Variants in B3GALT1 observed in about 807,000 individuals in gnomAD.
B3GALT1 encodes beta-1,3-galactosyltransferase 1.
A neutral mutation model predicts 23.2 loss-of-function variants in B3GALT1; 10 were observed. That is an observed-to-expected ratio of 0.43 (90% CI 0.27 to 0.73). B3GALT1 has a LOEUF of 0.73. Among genes scored for constraint, B3GALT1 ranks in the 30% least tolerant of loss-of-function variants. The pLI, the probability that B3GALT1 is intolerant of heterozygous loss-of-function variation, is 0.21. For missense variants in B3GALT1, 299 were observed against 405.4 expected, an observed-to-expected ratio of 0.74 and a Z score of 2.25; for synonymous variants, 156 against 141.5, an observed-to-expected ratio of 1.10 and a Z score of -0.73.
intron 4 of B3GALT1, among the ~76,000 whole-genome samples, chr2:167,834,073 A>AAAAT (rs1400922877): frequency 6.6e-6 from 1 of 152,200 alleles, no homozygotes; most frequent in African/African-American, 2.4e-5. Flanking sequence ...TTTGCTGCAC[A>AAAAT]AAATAGGGTA....
chr2:167,594,069 G>A (rs1156776833), intron 2 of B3GALT1, among the ~76,000 whole-genome samples: 1 of 152,118 alleles, frequency 6.6e-6, no homozygotes, highest in Non-Finnish European at 1.5e-5. Context: ...TTATGTACCT[G>A]GCTTACAAAA....
At chr2:167,365,138 G>A (rs188868874) in intron 1 of B3GALT1, among the ~76,000 whole-genome samples, 2 of 152,138 alleles carry the variant, frequency 1.3e-5, no homozygotes, top group African/African-American at 4.8e-5. Flanking sequence ...TTGACTACAC[G>A]TAGTTTCCTG....
At chr2:167,853,866 A>G (rs1247076174) in intron 4 of B3GALT1, among the ~76,000 whole-genome samples, 1 of 152,148 alleles carries the variant, frequency 6.6e-6, no homozygotes, top group East Asian at 1.9e-4. Flanking sequence ...AGGGCGTGCA[A>G]GTGTTCCCTG....
At position 167,385,324 on chromosome 2, in the gene B3GALT1, GAC is replaced by G. The variant is rs796498761; in HGVS notation, c.-511+91994_-511+91995del. Among the ~76,000 whole-genome samples, 16 of 152,190 alleles carry G rather than the reference GAC, an allele frequency of 1.1e-4. 1 individual carries two copies. The highest frequency in any genetic ancestry group is 3.9e-4 in the African/African-American group (16 of 41,538). ...ATTCTTCCTGAACCAGCTCTTCCCT[GAC>G]ACAGAATTAATCACTCCCTAATAGC... On this transcript the variant is annotated intron_variant, in intron 1 of 4. Transcript: ENST00000392690.
chr2:167,804,407 A>G (rs1157568136), intron 3 of B3GALT1, among the ~76,000 whole-genome samples: 14 of 151,624 alleles, frequency 9.2e-5, no homozygotes, highest in Non-Finnish European at 1.5e-5. Context: ...TACATGTGCC[A>G]TGTTGGTGTG....
At chr2:167,649,620 T>C (rs925300690) in intron 3 of B3GALT1, among the ~76,000 whole-genome samples, 1 of 152,114 alleles carries the variant, frequency 6.6e-6, no homozygotes, top group African/African-American at 2.4e-5. Flanking sequence ...CCAGTGGAGA[T>C]GTATCAGTAA....
intron 4 of B3GALT1, among the ~76,000 whole-genome samples, chr2:167,860,000 T>C (rs1690068272): frequency 6.6e-6 from 1 of 152,190 alleles, no homozygotes; most frequent in Admixed American, 6.5e-5. Flanking sequence ...GACCATTATC[T>C]AGTGCTAATA....
At chr2:167,393,933 A>G (rs140542177) in intron 1 of B3GALT1, among the ~76,000 whole-genome samples, 448 of 152,288 alleles carry the variant, frequency 2.9e-3, no homozygotes, top group African/African-American at 9.8e-3. Context: ...AATTTTTACA[A>G]TGTATTACTC....
intron 1 of B3GALT1, among the ~76,000 whole-genome samples, chr2:167,300,166 A>G (rs1228991077): frequency 2.0e-5 from 3 of 152,170 alleles, no homozygotes; most frequent in African/African-American, 7.2e-5. Context: ...TGGCCTCCCA[A>G]AGTGCTGGGA....
At chr2:167,720,289 A>G (rs1391140786) in intron 3 of B3GALT1, among the ~76,000 whole-genome samples, 2 of 152,008 alleles carry the variant, frequency 1.3e-5, no homozygotes, top group South Asian at 2.1e-4. Flanking sequence ...TTAATCACTT[A>G]TTTGGTCTTT....
chr2:167,464,079 A>G (rs960208450), intron 1 of B3GALT1, among the ~76,000 whole-genome samples: 12 of 152,154 alleles, frequency 7.9e-5, no homozygotes, highest in African/African-American at 2.9e-4. Context: ...CAAAAATCCA[A>G]CTGAAAAGGA....
chr2:167,612,132 AG>A (rs1685077803), intron 2 of B3GALT1, among the ~76,000 whole-genome samples: 1 of 151,942 alleles, frequency 6.6e-6, no homozygotes, highest in South Asian at 2.1e-4. Context: ...TTCAATCTAA[AG>A]CAGCATGCAA....
chr2:167,343,481 T>C (rs1403900), intron 1 of B3GALT1, among the ~76,000 whole-genome samples: 2 of 152,040 alleles, frequency 1.3e-5, no homozygotes, highest in Non-Finnish European at 2.9e-5. Context: ...TTTAAGCAAC[T>C]ACACTGACAT....
At chr2:167,318,354 A>G (rs529843058) in intron 1 of B3GALT1, among the ~76,000 whole-genome samples, 1 of 152,140 alleles carries the variant, frequency 6.6e-6, no homozygotes, top group Non-Finnish European at 1.5e-5. Flanking sequence ...TAAGCAAAAT[A>G]AAATACTACT....
intron 3 of B3GALT1, among the ~76,000 whole-genome samples, chr2:167,668,806 C>T (rs1318848327): frequency 1.3e-5 from 2 of 152,226 alleles, no homozygotes; most frequent in African/African-American, 4.8e-5. Flanking sequence ...CCTGCTTCGG[C>T]TCGCGCACGG....
At chr2:167,615,413 G>A (rs1031680668) in intron 2 of B3GALT1, among the ~76,000 whole-genome samples, 88 of 152,048 alleles carry the variant, frequency 5.8e-4, no homozygotes, top group African/African-American at 2.0e-3. Flanking sequence ...AGGAATTGGG[G>A]AGATATTGGT....
chr2:167,304,392 C>T (rs894558408), intron 1 of B3GALT1, among the ~76,000 whole-genome samples: 2 of 152,122 alleles, frequency 1.3e-5, no homozygotes, highest in African/African-American at 4.8e-5. Context: ...GTATCCAGTG[C>T]AGTATTTTAT....
At chr2:167,380,195 G>A (rs1030688101) in intron 1 of B3GALT1, among the ~76,000 whole-genome samples, 4 of 152,168 alleles carry the variant, frequency 2.6e-5, no homozygotes, top group Non-Finnish European at 4.4e-5. Context: ...CTGCACAGAA[G>A]GATGGATCAG....
chr2:167,577,563 G>A (rs917056591), intron 2 of B3GALT1, among the ~76,000 whole-genome samples: 6 of 151,830 alleles, frequency 4.0e-5, no homozygotes, highest in African/African-American at 1.4e-4. Flanking sequence ...AGATGCATCA[G>A]TTGATCACTT....
Sources: allele counts gnomAD v4.1 joint callset (sites outside exome capture counted in the v4.1 genomes callset), GRCh38; gene constraint gnomAD v4.1.1; transcripts MANE v1.5; gene names NCBI Gene and HGNC (gene_info 2026-07-23, HGNC 2026-07-21).